The following VIPR1 variants were observed in gnomAD, a reference collection of about 807,000 sequenced individuals.
VIPR1 encodes vasoactive intestinal polypeptide receptor 1.
In VIPR1, 59 loss-of-function variants were observed where a neutral mutation model predicts 58.8. That is an observed-to-expected ratio of 1.00 (90% CI 0.81 to 1.25). The LOEUF is 1.25. Ranked by LOEUF, VIPR1 falls within the 50% of genes most tolerant of loss-of-function variation. The pLI is 0.00. For synonymous variants in VIPR1, 251 were observed against 242.1 expected, an observed-to-expected ratio of 1.04 and a Z score of -0.34; for missense variants, 626 against 602.7, an observed-to-expected ratio of 1.04 and a Z score of -0.40.
chr3:42,500,106 C>T (rs342541), upstream of VIPR1: 62,123 of 152,104 alleles, frequency 0.41, 12,948 homozygotes, highest in Admixed American at 0.46. Flanking sequence ...ATGTTTATTC[C>T]GAAGAATCTG....
At chr3:42,535,287 AGGGCTGG>A in intron 11 of VIPR1, 49 bp from the exon 12 acceptor site, 4 of 1,529,646 alleles carry the variant, frequency 2.6e-6, no homozygotes, top group Non-Finnish European at 3.6e-6. Flanking sequence ...GGGGTGGGGC[AGGGCTGG>A]GGGCTTCTGG....
upstream of VIPR1, among the ~76,000 whole-genome samples, chr3:42,501,110 A>G (rs989298602): frequency 5.3e-5 from 8 of 152,262 alleles, no homozygotes; most frequent in South Asian, 8.3e-4. This position sits in a 1 kb window ranked among gnomAD's most constrained non-coding sequence, Gnocchi z 4.8. Context: ...GAGGAAAGGG[A>G]AAAAGAGCAA....
At chr3:42,515,028 C>A (rs567527209) in intron 2 of VIPR1, among the ~76,000 whole-genome samples, 3 of 152,322 alleles carry the variant, frequency 2.0e-5, no homozygotes, top group African/African-American at 7.2e-5. Flanking sequence ...ACCAGCCTGG[C>A]ATGTCTGGGC....
In VIPR1 at chr3:42,534,815, G is replaced by A. The variant is rs939471365; in HGVS notation, c.1011-160G>A. The A allele has an allele frequency of 6.5e-6, 6 of 921,020 alleles. No homozygotes were observed. In the Admixed American group the frequency reaches 1.5e-4, roughly 23 times the overall value. The allele number at this position is 921,020 out of a possible 1,614,324, so 57.1% of individuals were successfully genotyped here. A position where few individuals can be genotyped will look rare whatever the true frequency, so the allele number is the denominator to read the frequency against. On this transcript the variant is annotated intron_variant, in intron 10 of 12. Coordinates refer to ENST00000325123, the MANE Select transcript of VIPR1 (RefSeq NM_004624.4). The stretch of plus-strand genomic sequence containing the variant: ...GAGGCACTGCAGCTGTGGAACAGGA[G>A]CAGACAAGGGCATAATATTCAGAGG...
chr3:42,514,333 C>A (rs1421060062), intron 2 of VIPR1, among the ~76,000 whole-genome samples: 1 of 152,064 alleles, frequency 6.6e-6, no homozygotes. Flanking sequence ...GAAGAAGAGG[C>A]ACATTCAGTC....
intron 2 of VIPR1, among the ~76,000 whole-genome samples, chr3:42,514,199 G>A (rs1404998457): frequency 6.6e-6 from 1 of 152,050 alleles, no homozygotes; most frequent in Non-Finnish European, 1.5e-5. Flanking sequence ...GGTGCTATGT[G>A]GTGGGGGATC....
chr3:42,532,041 G>C, intron 9 of VIPR1, 172 bp downstream of exon 9: 1 of 923,464 alleles, frequency 1.1e-6, no homozygotes, highest in Non-Finnish European at 1.7e-6. Flanking sequence ...TTGAGCGTAA[G>C]CGGATTGGGA....
In VIPR1 at chr3:42,502,665, C is replaced by T; in HGVS notation, c.-71C>T. Reference sequence around the variant, plus strand: ...GCCACTCTGCCAGGCTCCCGGCCATCGCCCGCCTGGTGCGCCGCCCGCCAG... The same window carrying T: ...GCCACTCTGCCAGGCTCCCGGCCATTGCCCGCCTGGTGCGCCGCCCGCCAG... On this transcript the variant is annotated 5_prime_UTR_variant, in exon 1 of 13. Transcript: ENST00000325123. The T allele has an allele frequency of 8.5e-7, 1 of 1,177,184 alleles. No homozygotes were observed. The highest frequency in any genetic ancestry group is 1.1e-6 in the Non-Finnish European group (1 of 934,288). 72.9% of individuals were successfully genotyped at this position (1,177,184 alleles called of 1,614,324 possible). A position where few individuals can be genotyped will look rare whatever the true frequency, so the allele number is the denominator to read the frequency against.
At chr3:42,495,921 A>G (rs1439504407) in intron 1 of VIPR1, among the ~76,000 whole-genome samples, 2 of 151,834 alleles carry the variant, frequency 1.3e-5, no homozygotes, top group African/African-American at 4.8e-5. Flanking sequence ...GTCCTGGCTG[A>G]CACTTTGATT....
At chr3:42,497,006 C>T (rs531071820) in intron 1 of VIPR1, among the ~76,000 whole-genome samples, 1 of 152,236 alleles carries the variant, frequency 6.6e-6, no homozygotes, top group South Asian at 2.1e-4. Flanking sequence ...ACACTAATCT[C>T]TGGTGGCATC....
chr3:42,527,835 G>T, intron 5 of VIPR1, 156 bp from the exon 6 acceptor site: 1 of 1,102,506 alleles, frequency 9.1e-7, no homozygotes, highest in Non-Finnish European at 1.3e-6. Flanking sequence ...TGGGGGTGGG[G>T]CTCGTATTTC....
chr3:42,514,535 G>A (rs1559484726), intron 2 of VIPR1, among the ~76,000 whole-genome samples: 1 of 131,520 alleles, frequency 7.6e-6, no homozygotes, highest in African/African-American at 3.2e-5. Flanking sequence ...AGGACCGATA[G>A]TGACACCACA....
intron 1 of VIPR1, among the ~76,000 whole-genome samples, chr3:42,510,527 G>A (rs1050772224): frequency 1.3e-5 from 2 of 152,124 alleles, no homozygotes; most frequent in Non-Finnish European, 2.9e-5. Flanking sequence ...GCCCTGGCCC[G>A]GTCCCTCAAA....
intron 10 of VIPR1, chr3:42,534,731 G>A (rs1432963450): frequency 2.4e-6 from 1 of 412,316 alleles, no homozygotes; most frequent in Non-Finnish European, 4.4e-6. Flanking sequence ...GAGAATAGAG[G>A]GGGTTTCTTT....
rs1336465619 is a variant in VIPR1, at chr3:42,536,991, GCAGCCA to G, written c.*712_*717del. 1 of 152,184 alleles carries G rather than the reference GCAGCCA, an allele frequency of 6.6e-6. No homozygotes were observed. The highest frequency in any genetic ancestry group is 2.4e-5 in the African/African-American group (1 of 41,436). 9.4% of individuals were successfully genotyped at this position (152,184 alleles called of 1,614,324 possible). ...TCTGAAGCCTCTGGGAAATGAGAAG[GCAGCCA>G]CCAGCGAATGCTAGGTCTCGGACTA... On this transcript the variant is annotated 3_prime_UTR_variant, in exon 13 of 13. Transcript: ENST00000325123.
At position 42,532,280 on chromosome 3, in the gene VIPR1, G is replaced by T; in HGVS notation, c.957G>T (p.Leu319=). The change falls in exon 10 of 13, where the codon CTG becomes CTT. Residue 319 remains leucine (L), a synonymous_variant. Coordinates refer to ENST00000325123, the MANE Select transcript of VIPR1 (RefSeq NM_004624.4). ...FILFICIIRI[L]LQKLRPPDIR... ...TGTTTATTTGCATCATCCGAATCCT[G>T]CTTCAGAAACTGCGGCCCCCAGATA... 1 of 1,614,084 alleles carries T rather than the reference G, an allele frequency of 6.2e-7. No homozygotes were observed. Among genetic ancestry groups the T allele is most frequent in the Non-Finnish European group, 8.5e-7 (1 of 1,180,014 alleles).
At chr3:42,520,961 G>A (rs1294073955) in intron 3 of VIPR1, among the ~76,000 whole-genome samples, 1 of 152,112 alleles carries the variant, frequency 6.6e-6, no homozygotes, top group Non-Finnish European at 1.5e-5. Context: ...CCCAGTGCCT[G>A]GGCAGATAAG....
intron 1 of VIPR1, among the ~76,000 whole-genome samples, chr3:42,503,845 C>A (rs1472947682): frequency 6.6e-6 from 1 of 152,182 alleles, no homozygotes; most frequent in African/African-American, 2.4e-5. Flanking sequence ...CTTAAATGCC[C>A]ACTCCAAGTT....
In VIPR1 at chr3:42,519,406, A is replaced by G. The variant is rs1450917958; in HGVS notation, c.292+76A>G. On this transcript the variant is annotated intron_variant, in intron 3 of 12. Coordinates refer to ENST00000325123, the MANE Select transcript of VIPR1 (RefSeq NM_004624.4). ...GGACTCACCTCTCAAGGAAGTGGAA[A>G]GGCAAAGGAAAGTGGTCAAAGAGGC... 3 of 1,358,108 alleles carry G rather than the reference A, an allele frequency of 2.2e-6. No homozygotes were observed. The Admixed American group carries it at 7.4e-5, about 34-fold the overall frequency. The allele number at this position is 1,358,108 out of a possible 1,614,324, so 84.1% of individuals were successfully genotyped here. A position where few individuals can be genotyped will look rare whatever the true frequency, so the allele number is the denominator to read the frequency against.
Sources: gnomAD v4.1 joint callset for allele counts (sites outside exome capture counted in the v4.1 genomes callset) on GRCh38, gnomAD v4.1.1 for gene constraint, Gnocchi (gnomAD v3.1) non-coding constraint, MANE v1.5 for transcripts, NCBI Gene and HGNC (gene_info 2026-07-23, HGNC 2026-07-21) for gene names.